The following ADAMTS6 variants were observed in gnomAD, a reference collection of about 807,000 sequenced individuals.
ADAMTS6 encodes A disintegrin and metalloproteinase with thrombospondin motifs 6.
A neutral mutation model predicts 144.3 loss-of-function variants in ADAMTS6; 23 were observed. The observed-to-expected ratio is 0.16, with a 90% CI of 0.11 to 0.23. The LOEUF (loss-of-function observed/expected upper bound fraction) is 0.23, where lower values mean the gene tolerates loss of function less well. Ranked by LOEUF, ADAMTS6 falls within the 10% of genes least tolerant of loss-of-function variation. The probability of loss-of-function intolerance (pLI) is 1.00; values close to 1 mark genes in which losing one functional copy is unlikely to be tolerated. For synonymous variants in ADAMTS6, 444 were observed against 457.5 expected (o/e 0.97, Z 0.38); for missense variants, 999 against 1,379.6 (o/e 0.72, Z 4.37).
chr5:65,204,838 A>G (rs1191071116), intron 20 of ADAMTS6, among the ~76,000 whole-genome samples: 2 of 152,226 alleles, frequency 1.3e-5, no homozygotes, highest in African/African-American at 4.8e-5. Flanking sequence ...TCAAAAAATA[A>G]TAGTACATTG....
intron 12 of ADAMTS6, among the ~76,000 whole-genome samples, chr5:65,271,327 C>T (rs1274152471): frequency 1.4e-5 from 2 of 147,732 alleles, no homozygotes; most frequent in Non-Finnish European, 3.0e-5. Context: ...TGCAGTGAGC[C>T]GAGATAGTGC....
chr5:65,428,546 G>A (rs7702508), intron 7 of ADAMTS6, among the ~76,000 whole-genome samples: 30,495 of 152,062 alleles, frequency 0.2, 4,576 homozygotes, highest in African/African-American at 0.43. Flanking sequence ...GAAAAACCAG[G>A]GGGACCTTCA....
intron 7 of ADAMTS6, among the ~76,000 whole-genome samples, chr5:65,352,958 C>T (rs1177914370): frequency 1.3e-5 from 2 of 152,034 alleles, no homozygotes; most frequent in Non-Finnish European, 2.9e-5. Flanking sequence ...TATGTTCCTT[C>T]TCATTCACTA....
At position 65,278,733 on chromosome 5, in the gene ADAMTS6, G is replaced by T. The variant is rs934461285; in HGVS notation, c.1513-5286C>A. Among the ~76,000 whole-genome samples the T allele has an allele frequency of 3.3e-5, 5 of 152,182 alleles. No individual in the cohort carries two copies. The South Asian group carries it at 1.0e-3, about 32-fold the overall frequency. ...CTTTCTTTTTGACATACATCCATTAGCAGTTAATTTAGCAAGGGACACTTT... is the reference window on the plus strand; with the variant it reads ...CTTTCTTTTTGACATACATCCATTATCAGTTAATTTAGCAAGGGACACTTT... On this transcript the variant is annotated intron_variant, in intron 11 of 24. Coordinates refer to ENST00000381055, the MANE Select transcript of ADAMTS6 (RefSeq NM_197941.4).
intron 22 of ADAMTS6, among the ~76,000 whole-genome samples, chr5:65,181,599 T>C (rs115751157): frequency 4.6e-3 from 696 of 152,316 alleles, no homozygotes; most frequent in African/African-American, 0.016. Context: ...TCCTAGGCCT[T>C]GTGACCCATA....
intron 11 of ADAMTS6, among the ~76,000 whole-genome samples, chr5:65,285,272 G>A (rs1763276523): frequency 1.3e-5 from 2 of 151,986 alleles, no homozygotes; most frequent in South Asian, 4.2e-4. Context: ...TTTCTTTTGT[G>A]TGGTGTTTAT....
intron 20 of ADAMTS6, 55 bp from the exon 21 acceptor site, chr5:65,197,206 AG>A: frequency 7.6e-6 from 12 of 1,588,740 alleles, no homozygotes; most frequent in Non-Finnish European, 1.0e-5. Flanking sequence ...CCATTAAGTT[AG>A]GTATGCATAG....
At chr5:65,262,448 TGAAAA>T (rs1235333161) in intron 13 of ADAMTS6, among the ~76,000 whole-genome samples, 2 of 152,190 alleles carry the variant, frequency 1.3e-5, no homozygotes, top group Non-Finnish European at 2.9e-5. Flanking sequence ...ATGTGACATG[TGAAAA>T]GACCTTAGGT....
chr5:65,332,507 A>T (rs1186567438), intron 8 of ADAMTS6, among the ~76,000 whole-genome samples: 2 of 151,972 alleles, frequency 1.3e-5, no homozygotes, highest in African/African-American at 4.8e-5. Context: ...ATCTGTGAAC[A>T]GTAAATATGG....
chr5:65,438,925 G>A (rs999818868), intron 7 of ADAMTS6, among the ~76,000 whole-genome samples: 4 of 152,142 alleles, frequency 2.6e-5, no homozygotes, highest in Non-Finnish European at 5.9e-5. Flanking sequence ...AGATTAAGAG[G>A]AGACAATCTA....
At chr5:65,270,811 T>C (rs918490819) in intron 12 of ADAMTS6, among the ~76,000 whole-genome samples, 2 of 152,072 alleles carry the variant, frequency 1.3e-5, no homozygotes, top group African/African-American at 4.8e-5. Flanking sequence ...ATTTACAAGG[T>C]TTTTAAATAG....
intron 7 of ADAMTS6, among the ~76,000 whole-genome samples, chr5:65,441,220 C>T (rs1757834733): frequency 6.6e-6 from 1 of 151,970 alleles, no homozygotes; most frequent in African/African-American, 2.4e-5. Flanking sequence ...TTAGACCAGA[C>T]TGATGGATTA....
At chr5:65,193,046 A>G (rs1353092238) in intron 21 of ADAMTS6, among the ~76,000 whole-genome samples, 1 of 152,046 alleles carries the variant, frequency 6.6e-6, no homozygotes, top group Admixed American at 6.6e-5. Flanking sequence ...AGGGAAAACA[A>G]TCGTGATTGA....
At chr5:65,278,441 A>G (rs186373585) in intron 11 of ADAMTS6, among the ~76,000 whole-genome samples, 4 of 152,328 alleles carry the variant, frequency 2.6e-5, no homozygotes, top group Admixed American at 1.3e-4. Context: ...TTACATGTCC[A>G]TCAGCAATGT....
At chr5:65,183,447 C>A (rs1050694304) in intron 22 of ADAMTS6, among the ~76,000 whole-genome samples, 1 of 151,622 alleles carries the variant, frequency 6.6e-6, no homozygotes, top group Middle Eastern at 3.4e-3. Flanking sequence ...TCTTATTGTG[C>A]CTAATTTATA....
intron 7 of ADAMTS6, among the ~76,000 whole-genome samples, chr5:65,423,327 G>C (rs531770672): frequency 1.3e-5 from 2 of 152,104 alleles, no homozygotes; most frequent in South Asian, 2.1e-4. Context: ...TGAAATAAAA[G>C]GTATATATAA....
At chr5:65,219,296 G>C (rs1229353510) in intron 18 of ADAMTS6, among the ~76,000 whole-genome samples, 1 of 152,116 alleles carries the variant, frequency 6.6e-6, no homozygotes, top group African/African-American at 2.4e-5. Flanking sequence ...GTGAATAGTT[G>C]TAACACAGAC....
intron 7 of ADAMTS6, chr5:65,416,151 G>T: frequency 1.1e-5 from 2 of 182,016 alleles, no homozygotes; most frequent in South Asian, 2.6e-4. Context: ...GGAATTCACT[G>T]ACCACCCCAT....
Position 65,172,710 on chromosome 5 carries a change from C to T in ADAMTS6, c.3087+122G>A, listed in dbSNP as rs551628431. On this transcript the variant is annotated intron_variant, in intron 23 of 24. Transcript: ENST00000381055. ...CACTGTTTCACACTCATGCCTCATA[C>T]TTAGACTTCTACGTGTTAATTCTTA... 29 of 1,187,398 alleles carry T rather than the reference C, an allele frequency of 2.4e-5. No individual in the cohort carries two copies. The African/African-American group carries it at 3.1e-4, about 13-fold the overall frequency. 73.6% of individuals were successfully genotyped at this position (1,187,398 alleles called of 1,614,324 possible). A position where few individuals can be genotyped will look rare whatever the true frequency, so the allele number is the denominator to read the frequency against.
Sources: allele counts gnomAD v4.1 joint callset (sites outside exome capture counted in the v4.1 genomes callset), GRCh38; gene constraint gnomAD v4.1.1; transcripts MANE v1.5; gene names NCBI Gene and HGNC (gene_info 2026-07-23, HGNC 2026-07-21).